LARP4: variants seen among roughly 807,000 people sequenced by gnomAD.
The protein encoded by LARP4 is La ribonucleoprotein 4.
LARP4 carries 29 observed loss-of-function variants against 92.9 expected under a neutral mutation model. The observed-to-expected ratio is 0.31, with a 90% CI of 0.23 to 0.43. The LOEUF (loss-of-function observed/expected upper bound fraction) is 0.43, where lower values mean the gene tolerates loss of function less well. LARP4 is among the 20% of genes least tolerant of loss of function. The pLI is 1.00. For missense variants in LARP4, 732 were observed against 860.0 expected (o/e 0.85, Z 1.86); for synonymous variants, 279 against 284.1 (o/e 0.98, Z 0.18).
rs1957685581 is a variant in LARP4 at position 50,478,508 on chromosome 12, G to T, written c.*2644G>T. ...GATGTTCATTGTAGTTTATTTATTT[G>T]GTTCTTTAGATGGAGGAATTTAAAA... On this transcript the variant is annotated 3_prime_UTR_variant, in exon 16 of 16. Coordinates refer to ENST00000398473, the MANE Select transcript of LARP4 (RefSeq NM_052879.5). 1 of 151,896 alleles carries T rather than the reference G, an allele frequency of 6.6e-6. No individual in the cohort carries two copies. The highest frequency in any genetic ancestry group is 2.4e-5 in the African/African-American group (1 of 41,364). 9.4% of individuals were successfully genotyped at this position (151,896 alleles called of 1,614,324 possible). A position where few individuals can be genotyped will look rare whatever the true frequency, so the allele number is the denominator to read the frequency against.
intron 1 of LARP4, among the ~76,000 whole-genome samples, chr12:50,422,834 T>TTA (rs1565974554): frequency 1.5e-5 from 2 of 135,442 alleles, no homozygotes; most frequent in Non-Finnish European, 3.2e-5. Context: ...TATTATTATT[T>TTA]TTGAGACGAG....
intron 6 of LARP4, among the ~76,000 whole-genome samples, chr12:50,438,297 G>A (rs1288474348): frequency 1.3e-5 from 2 of 152,060 alleles, no homozygotes; most frequent in African/African-American, 4.8e-5. Flanking sequence ...AGGAGATGGA[G>A]ACCATCCTGG....
In LARP4 at chr12:50,428,934, G is replaced by C. The variant is rs566292870; in HGVS notation, c.167-1G>C. ...ACTTTCAGTGTCTGTCTTTAATACA[G>C]GTAATGCAGAGCTCTCAGAAGATAT... On this transcript the variant is annotated splice_acceptor_variant, in intron 2 of 15. Coordinates refer to ENST00000398473, the MANE Select transcript of LARP4 (RefSeq NM_052879.5). LOFTEE classifies it high-confidence loss of function. 6.3e-5 allele frequency: 99 copies of C among 1,582,184 alleles called. 1 individual carries two copies. Among genetic ancestry groups the C allele is most frequent in the Non-Finnish European group, 8.0e-5 (93 of 1,164,310 alleles).
chr12:50,404,847 G>A (rs977346519), intron 1 of LARP4, among the ~76,000 whole-genome samples: 11 of 151,718 alleles, frequency 7.3e-5, no homozygotes, highest in Non-Finnish European at 1.5e-4. Flanking sequence ...ATGCCACCAC[G>A]CCCAACTAAT....
At chr12:50,429,920 G>A (rs142864225) in intron 3 of LARP4, among the ~76,000 whole-genome samples, 1,989 of 152,226 alleles carry the variant, frequency 0.013, 46 homozygotes, top group African/African-American at 0.044. Context: ...GATTACAGGC[G>A]TGAGCCACCA....
At chr12:50,421,165 G>A (rs972112336) in intron 1 of LARP4, 7 of 261,816 alleles carry the variant, frequency 2.7e-5, no homozygotes, top group Non-Finnish European at 4.1e-5. Context: ...TGGCTAGGCT[G>A]GTCTCGAACT....
chr12:50,461,410 A>G, intron 11 of LARP4, 63 bp downstream of exon 11: 1 of 1,371,430 alleles, frequency 7.3e-7, no homozygotes, highest in Non-Finnish European at 1.0e-6. Context: ...TAATTGAAGA[A>G]CATGATCTTC....
At position 50,475,790 on chromosome 12, in the gene LARP4, C is replaced by T. The variant is rs1414201049; in HGVS notation, c.2101C>T (p.His701Tyr). The T allele has an allele frequency of 1.6e-5, 26 of 1,614,020 alleles. No individual in the cohort carries two copies. Among genetic ancestry groups the T allele is most frequent in the Admixed American group, 3.3e-5 (2 of 59,996 alleles). Residue 701 changes from histidine to tyrosine, a missense_variant, in exon 16 of 16, where the codon CAT becomes TAT. This residue lies in a region of LARP4 where 115 missense variants were observed against 129.1 expected (regional missense o/e 0.89). Transcript: ENST00000398473. ...KIREQRRQFS[H>Y]RAIPQGVTRR... ...CAGGGAACAGAGACGCCAGTTTAGC[C>T]ATAGGGCTATACCTCAGGGAGTGAC... is the stretch of plus-strand genomic sequence containing the variant.
chr12:50,475,897 C>CT lies in LARP4; in HGVS notation c.*35dup, dbSNP rs1272822452. On this transcript the variant is annotated 3_prime_UTR_variant, in exon 16 of 16. Coordinates refer to ENST00000398473, the MANE Select transcript of LARP4 (RefSeq NM_052879.5). The stretch of plus-strand genomic sequence containing the variant: ...CAAAACTATTCAAAAACTTCACTCT[C>CT]TTCCCATTAAACTTGAACTGTGGCT... The CT allele has an allele frequency of 6.3e-7, 1 of 1,576,260 alleles. No homozygotes were observed. Among genetic ancestry groups the CT allele is most frequent in the African/African-American group, 1.4e-5 (1 of 73,834 alleles).
At chr12:50,471,243 T>TG (rs1956893166) in intron 13 of LARP4, among the ~76,000 whole-genome samples, 1 of 152,210 alleles carries the variant, frequency 6.6e-6, no homozygotes, top group Non-Finnish European at 1.5e-5. Context: ...TACCAACCCT[T>TG]GCGCTAGGTG....
intron 11 of LARP4, 188 bp downstream of exon 11, chr12:50,461,535 C>T (rs1284756539): frequency 1.7e-6 from 1 of 594,506 alleles, no homozygotes; most frequent in African/African-American, 1.8e-5. Flanking sequence ...AGTGCCCATA[C>T]AGAATATAGC....
At chr12:50,431,770 G>A (rs567661184) in intron 4 of LARP4, among the ~76,000 whole-genome samples, 17 of 152,208 alleles carry the variant, frequency 1.1e-4, no homozygotes, top group African/African-American at 3.9e-4. Flanking sequence ...CACTTGAACC[G>A]GGGAGGTAGA....
chr12:50,453,753 T>C, intron 9 of LARP4, 81 bp downstream of exon 9: 1 of 858,912 alleles, frequency 1.2e-6, no homozygotes, highest in Non-Finnish European at 1.8e-6. Context: ...GAGTGGGAGC[T>C]CATTTATGTT....
At chr12:50,443,829 T>C (rs1008951538) in intron 8 of LARP4, among the ~76,000 whole-genome samples, 36 of 152,048 alleles carry the variant, frequency 2.4e-4, no homozygotes, top group African/African-American at 8.7e-4. Context: ...GCCAAGCTGC[T>C]CTCGAACTCC....
chr12:50,432,354 T>G (rs538981025), intron 4 of LARP4, among the ~76,000 whole-genome samples: 3 of 152,202 alleles, frequency 2.0e-5, no homozygotes, highest in Non-Finnish European at 4.4e-5. Context: ...AATCAGGAAC[T>G]GAGCTAGGTC....
At chr12:50,418,027 A>C (rs1482753642) in intron 1 of LARP4, among the ~76,000 whole-genome samples, 1 of 152,132 alleles carries the variant, frequency 6.6e-6, no homozygotes, top group South Asian at 2.1e-4. Flanking sequence ...CGCCCGGCTA[A>C]TTTTTGTATT....
intron 8 of LARP4, among the ~76,000 whole-genome samples, chr12:50,442,361 G>T (rs906453434): frequency 3.9e-5 from 6 of 152,128 alleles, no homozygotes; most frequent in African/African-American, 1.4e-4. Flanking sequence ...TGACACATTT[G>T]ATCCCTGTCT....
At chr12:50,452,661 ATTTC>A (rs1953436537) in intron 8 of LARP4, among the ~76,000 whole-genome samples, 1 of 151,990 alleles carries the variant, frequency 6.6e-6, no homozygotes, top group African/African-American at 2.4e-5. Flanking sequence ...TTCAACTTAC[ATTTC>A]TTTGATGATT....
At chr12:50,456,453 A>C (rs1177578721) in intron 10 of LARP4, among the ~76,000 whole-genome samples, 1 of 151,914 alleles carries the variant, frequency 6.6e-6, no homozygotes, top group Non-Finnish European at 1.5e-5. Context: ...TTGCTTCTAA[A>C]AAGTGACTAC....
Sources: allele counts gnomAD v4.1 joint callset (sites outside exome capture counted in the v4.1 genomes callset), GRCh38; gene constraint gnomAD v4.1.1; regional missense constraint gnomAD v4.1.1; transcripts MANE v1.5; gene names NCBI Gene and HGNC (gene_info 2026-07-23, HGNC 2026-07-21).